Variants in ADGRB3 observed in about 807,000 individuals in gnomAD.
ADGRB3 encodes brain-specific angiogenesis inhibitor 3.
ADGRB3 carries 37 observed loss-of-function variants against 193.4 expected under a neutral mutation model. That is an observed-to-expected ratio of 0.19 (90% CI 0.15 to 0.25). The LOEUF is 0.25. Ranked by LOEUF, ADGRB3 falls within the 10% of genes least tolerant of loss-of-function variation. The pLI, the probability that ADGRB3 is intolerant of heterozygous loss-of-function variation, is 1.00. For synonymous variants in ADGRB3, 690 were observed against 644.2 expected (o/e 1.07, Z -1.08); for missense variants, 1,637 against 1,852.9 (o/e 0.88, Z 2.14).
chr6:69,243,906 T>C (rs1440787927), intron 20 of ADGRB3, among the ~76,000 whole-genome samples: 2 of 152,076 alleles, frequency 1.3e-5, no homozygotes, highest in African/African-American at 4.8e-5. Context: ...AAATTGTAGA[T>C]ATTATAACAA....
At chr6:68,849,829 C>T (rs1374305169) in intron 3 of ADGRB3, among the ~76,000 whole-genome samples, 1 of 151,688 alleles carries the variant, frequency 6.6e-6, no homozygotes, top group African/African-American at 2.4e-5. Flanking sequence ...TTTTTTCAAT[C>T]AAATGTGTCA....
intron 3 of ADGRB3, among the ~76,000 whole-genome samples, chr6:68,886,761 CTGTG>C (rs940216790): frequency 5.8e-4 from 88 of 152,092 alleles, no homozygotes; most frequent in African/African-American, 2.0e-3. Context: ...CTTATTTTCT[CTGTG>C]TATACATAAA....
At chr6:68,703,203 C>G (rs914976492) in intron 3 of ADGRB3, among the ~76,000 whole-genome samples, 8 of 152,088 alleles carry the variant, frequency 5.3e-5, no homozygotes, top group African/African-American at 1.9e-4. Flanking sequence ...TAATGTTGAA[C>G]AAATTAAATT....
chr6:68,697,380 A>G (rs1301809897), intron 3 of ADGRB3, among the ~76,000 whole-genome samples: 1 of 151,908 alleles, frequency 6.6e-6, no homozygotes. Flanking sequence ...TAAGTGGCAA[A>G]TGAATTTTTC....
At chr6:68,949,732 G>C (rs534915246) in intron 6 of ADGRB3, among the ~76,000 whole-genome samples, 16 of 152,212 alleles carry the variant, frequency 1.1e-4, no homozygotes, top group South Asian at 2.1e-4. Context: ...CCTGTTGTAT[G>C]ACAATTATAT....
intron 26 of ADGRB3, among the ~76,000 whole-genome samples, chr6:69,350,025 C>A (rs1769188817): frequency 1.3e-5 from 2 of 152,148 alleles, no homozygotes; most frequent in African/African-American, 4.8e-5. Context: ...GAAGACCAGT[C>A]CAGAAGCTCT....
chr6:69,080,451 A>T (rs894375593), intron 17 of ADGRB3, among the ~76,000 whole-genome samples: 1 of 152,016 alleles, frequency 6.6e-6, no homozygotes, highest in African/African-American at 2.4e-5. Flanking sequence ...ATGAACAGAA[A>T]ATAATCTTCT....
intron 3 of ADGRB3, among the ~76,000 whole-genome samples, chr6:68,856,761 T>C (rs1395625207): frequency 6.6e-6 from 1 of 152,210 alleles, no homozygotes; most frequent in African/African-American, 2.4e-5. Flanking sequence ...GCATAAGTAA[T>C]GAGGAGCTGA....
At chr6:69,113,573 A>G (rs1326996171) in intron 17 of ADGRB3, among the ~76,000 whole-genome samples, 1 of 152,134 alleles carries the variant, frequency 6.6e-6, no homozygotes, top group African/African-American at 2.4e-5. Flanking sequence ...TTTCATTTCA[A>G]TTGATCATAA....
At chr6:68,973,752 G>C (rs1768655326) in intron 8 of ADGRB3, among the ~76,000 whole-genome samples, 1 of 152,130 alleles carries the variant, frequency 6.6e-6, no homozygotes, top group African/African-American at 2.4e-5. Context: ...AGTGAAGACT[G>C]ATATATGAAC....
chr6:69,186,927 T>G (rs1302795898), intron 17 of ADGRB3, among the ~76,000 whole-genome samples: 4 of 138,170 alleles, frequency 2.9e-5, no homozygotes, highest in South Asian at 2.3e-4. Context: ...CATAGCAAGG[T>G]TTTTTTTTTG....
At chr6:69,268,023 G>A (rs911559700) in intron 20 of ADGRB3, among the ~76,000 whole-genome samples, 2 of 152,044 alleles carry the variant, frequency 1.3e-5, no homozygotes, top group African/African-American at 4.8e-5. Flanking sequence ...TAAGAGCAGA[G>A]GCATTCCCAT....
At chr6:69,283,555 C>G (rs1025282606) in intron 20 of ADGRB3, among the ~76,000 whole-genome samples, 2 of 152,044 alleles carry the variant, frequency 1.3e-5, no homozygotes, top group South Asian at 2.1e-4. Flanking sequence ...CAAATTGTGA[C>G]AGCGTGAACT....
At chr6:68,804,073 A>G (rs761868813) in intron 3 of ADGRB3, among the ~76,000 whole-genome samples, 5 of 152,208 alleles carry the variant, frequency 3.3e-5, no homozygotes, top group Non-Finnish European at 7.3e-5. Flanking sequence ...AATAGATCCA[A>G]TCATTTCACT....
chr6:69,035,617 A>T (rs143577266), intron 13 of ADGRB3, among the ~76,000 whole-genome samples: 6 of 152,278 alleles, frequency 3.9e-5, no homozygotes, highest in Admixed American at 3.3e-4. Flanking sequence ...TGGGAGTAAC[A>T]TGATTCAATT....
At chr6:69,312,289 TGG>T (rs1425168208) in intron 20 of ADGRB3, among the ~76,000 whole-genome samples, 1 of 151,764 alleles carries the variant, frequency 6.6e-6, no homozygotes, top group African/African-American at 2.4e-5. Flanking sequence ...AAGTTCCTGG[TGG>T]GAATGATAAT....
intron 17 of ADGRB3, among the ~76,000 whole-genome samples, chr6:69,098,404 C>T (rs1418659082): frequency 1.3e-5 from 2 of 152,200 alleles, no homozygotes; most frequent in African/African-American, 2.4e-5. Flanking sequence ...CAACTAATGA[C>T]TACTGTATTA....
chr6:68,701,129 C>T (rs988610113), intron 3 of ADGRB3, among the ~76,000 whole-genome samples: 4 of 150,606 alleles, frequency 2.7e-5, no homozygotes, highest in African/African-American at 9.7e-5. Context: ...AAAAGCACTT[C>T]AAAATGATTA....
intron 15 of ADGRB3, among the ~76,000 whole-genome samples, chr6:69,049,595 T>A (rs1313711802): frequency 1.3e-5 from 2 of 152,110 alleles, no homozygotes; most frequent in Non-Finnish European, 2.9e-5. Context: ...CTTGCCTTGA[T>A]ACTGAAAGAA....
Sources: gnomAD v4.1 joint callset for allele counts (sites outside exome capture counted in the v4.1 genomes callset) on GRCh38, gnomAD v4.1.1 for gene constraint, MANE v1.5 for transcripts, NCBI Gene and HGNC (gene_info 2026-07-23, HGNC 2026-07-21) for gene names.